Variants in HHIP observed in about 807,000 individuals in gnomAD.
The protein encoded by HHIP is hedgehog interacting protein, also known as hedgehog-interacting protein.
In HHIP, 12 loss-of-function variants were observed where a neutral mutation model predicts 74.0. The observed-to-expected ratio is 0.16, with a 90% CI of 0.10 to 0.26. The LOEUF is 0.26. HHIP is among the 10% of genes least tolerant of loss of function. HHIP has a pLI of 1.00. For missense variants in HHIP, 788 were observed against 845.0 expected, an observed-to-expected ratio of 0.93 and a Z score of 0.84; for synonymous variants, 309 against 311.6, an observed-to-expected ratio of 0.99 and a Z score of 0.09.
chr4:144,738,015 TA>T lies in HHIP; in HGVS notation c.*68del, dbSNP rs975484059. On this transcript the variant is annotated 3_prime_UTR_variant, in exon 13 of 13. Transcript: ENST00000296575. ...GGGCATTTATTTTTTATCCTGTCAT[TA>T]AAAAAAAAAGACTGTTATCCTGCTA... is the stretch of plus-strand genomic sequence containing the variant. 0.012 allele frequency: 12,222 copies of T among 1,047,534 alleles called. No homozygotes were observed. Among genetic ancestry groups the T allele is most frequent in the South Asian group, 0.025 (1,210 of 48,680 alleles). The allele number at this position is 1,047,534 out of a possible 1,614,324, so 64.9% of individuals were successfully genotyped here. A position where few individuals can be genotyped will look rare whatever the true frequency, so the allele number is the denominator to read the frequency against.
intron 4 of HHIP, among the ~76,000 whole-genome samples, chr4:144,700,336 C>T (rs1469342752): frequency 6.6e-6 from 1 of 152,176 alleles, no homozygotes; most frequent in Non-Finnish European, 1.5e-5. Flanking sequence ...AGACACAAGT[C>T]AGAAATGCTT....
At chr4:144,717,751 T>TTCTC (rs373121047) in intron 10 of HHIP, among the ~76,000 whole-genome samples, 10 of 149,508 alleles carry the variant, frequency 6.7e-5, no homozygotes, top group Admixed American at 1.3e-4. Flanking sequence ...CTCTCTCTCT[T>TTCTC]TCTCTCTCTC....
chr4:144,689,648 C>A (rs1729588565), intron 4 of HHIP, among the ~76,000 whole-genome samples: 1 of 152,104 alleles, frequency 6.6e-6, no homozygotes, highest in African/African-American at 2.4e-5. Flanking sequence ...ATTTTATAGA[C>A]CATTATTTGT....
intron 4 of HHIP, among the ~76,000 whole-genome samples, chr4:144,699,324 C>G (rs981180150): frequency 6.6e-6 from 1 of 152,164 alleles, no homozygotes; most frequent in Non-Finnish European, 1.5e-5. Flanking sequence ...GACTCAGGAA[C>G]AGCCAAATGG....
chr4:144,652,512 CT>C (rs1728450487), intron 1 of HHIP, 92 bp from the exon 2 acceptor site: 1 of 763,558 alleles, frequency 1.3e-6, no homozygotes, highest in East Asian at 2.6e-5. Context: ...CTAAATTAGA[CT>C]TTTCTACTTA....
At chr4:144,680,551 A>G (rs777821837) in intron 4 of HHIP, among the ~76,000 whole-genome samples, 6 of 152,214 alleles carry the variant, frequency 3.9e-5, no homozygotes, top group Non-Finnish European at 7.4e-5. Flanking sequence ...TAAGATCTCT[A>G]TGTAGGAACT....
chr4:144,652,939 C>A, intron 2 of HHIP, 142 bp downstream of exon 2: 1 of 569,106 alleles, frequency 1.8e-6, no homozygotes, highest in Non-Finnish European at 3.0e-6. Flanking sequence ...TTAACATTTC[C>A]AAATTTATAA....
chr4:144,742,917 T>C lies in HHIP; in HGVS notation c.*4960T>C, dbSNP rs1263608447. ...TATATATCTTTTTATATATATCTTA[T>C]ATATATATCTTTATATATATCTTAT... On this transcript the variant is annotated 3_prime_UTR_variant, in exon 13 of 13. Transcript: ENST00000296575. 1.6e-5 allele frequency: 1 copy of C among 62,782 alleles called. No homozygotes were observed. The highest frequency in any genetic ancestry group is 3.4e-5 in the Non-Finnish European group (1 of 29,254). 3.9% of individuals were successfully genotyped at this position (62,782 alleles called of 1,614,324 possible). A position where few individuals can be genotyped will look rare whatever the true frequency, so the allele number is the denominator to read the frequency against.
intron 10 of HHIP, among the ~76,000 whole-genome samples, chr4:144,715,884 A>G (rs188636771): frequency 6.6e-4 from 101 of 152,076 alleles, no homozygotes; most frequent in African/African-American, 2.4e-3. Flanking sequence ...CTTTTTGCCC[A>G]TTGGGGCACG....
chr4:144,676,853 G>A (rs1236857187), intron 4 of HHIP, among the ~76,000 whole-genome samples: 2 of 152,242 alleles, frequency 1.3e-5, no homozygotes, highest in African/African-American at 4.8e-5. Flanking sequence ...GGAGATGCCA[G>A]AGGAAAGAAC....
chr4:144,738,553 C>A lies in HHIP; in HGVS notation c.*596C>A. 1.2e-6 allele frequency: 1 copy of A among 859,934 alleles called. No homozygotes were observed. Among genetic ancestry groups the A allele is most frequent in the Non-Finnish European group, 1.4e-6 (1 of 715,508 alleles). 53.3% of individuals were successfully genotyped at this position (859,934 alleles called of 1,614,324 possible). On this transcript the variant is annotated 3_prime_UTR_variant, in exon 13 of 13. Coordinates refer to ENST00000296575, the MANE Select transcript of HHIP (RefSeq NM_022475.3). ...TATTGGCTGAGAAATCTGGTTATTT[C>A]ATCTTAATCTCAAGATTGTTTTCAA...
chr4:144,703,332 T>G (rs75570522), intron 4 of HHIP, among the ~76,000 whole-genome samples: 3,393 of 152,220 alleles, frequency 0.022, 125 homozygotes, highest in African/African-American at 0.077. Flanking sequence ...TTTAGCCAGC[T>G]TGGCTCAACT....
intron 11 of HHIP, among the ~76,000 whole-genome samples, chr4:144,721,317 A>C (rs1179515424): frequency 5.3e-5 from 8 of 152,138 alleles, no homozygotes; most frequent in Admixed American, 2.6e-4. Context: ...ACACACACAC[A>C]CACAATGAGG....
At chr4:144,698,524 C>T (rs937101456) in intron 4 of HHIP, among the ~76,000 whole-genome samples, 1 of 152,152 alleles carries the variant, frequency 6.6e-6, no homozygotes, top group African/African-American at 2.4e-5. Flanking sequence ...CAGAAGGTAT[C>T]CCCATTGTTA....
At chr4:144,677,199 C>A (rs1026532202) in intron 4 of HHIP, among the ~76,000 whole-genome samples, 4 of 152,148 alleles carry the variant, frequency 2.6e-5, no homozygotes, top group Admixed American at 6.5e-5. Flanking sequence ...GAGCTTCTCC[C>A]TGTTTGGGGG....
chr4:144,685,005 T>C (rs1437527497), intron 4 of HHIP, among the ~76,000 whole-genome samples: 1 of 152,216 alleles, frequency 6.6e-6, no homozygotes, highest in African/African-American at 2.4e-5. Flanking sequence ...CTATACAAGA[T>C]AGCCCAAGAA....
At chr4:144,685,690 G>T (rs1729468292) in intron 4 of HHIP, 1 of 152,102 alleles carries the variant, frequency 6.6e-6, no homozygotes, top group Admixed American at 6.5e-5. Flanking sequence ...AAAAATAGAA[G>T]AAGGAAGGCG....
chr4:144,740,496 T>G lies in HHIP; in HGVS notation c.*2539T>G, dbSNP rs113765847. ...AAGCCAAGCAAAGAAAGTAAAATCA[T>G]TGGAGTCATTTCTTTCTGTTCTTAG... On this transcript the variant is annotated 3_prime_UTR_variant, in exon 13 of 13. Transcript: ENST00000296575. 31 of 152,292 alleles carry G rather than the reference T, an allele frequency of 2.0e-4. No individual in the cohort carries two copies. Among genetic ancestry groups the G allele is most frequent in the African/African-American group, 5.5e-4 (23 of 41,576 alleles). 9.4% of individuals were successfully genotyped at this position (152,292 alleles called of 1,614,324 possible).
At chr4:144,689,330 T>C (rs1276765450) in intron 4 of HHIP, among the ~76,000 whole-genome samples, 2 of 152,220 alleles carry the variant, frequency 1.3e-5, no homozygotes, top group Admixed American at 6.5e-5. Context: ...AATGACATCA[T>C]AATGATGACT....
Sources: gnomAD v4.1 joint callset for allele counts (sites outside exome capture counted in the v4.1 genomes callset) on GRCh38, gnomAD v4.1.1 for gene constraint, MANE v1.5 for transcripts, NCBI Gene and HGNC (gene_info 2026-07-23, HGNC 2026-07-21) for gene names.